LEKR1: variants seen among roughly 807,000 people sequenced by gnomAD.
LEKR1 encodes the protein leucine, glutamate and lysine rich 1.
In LEKR1, 59 loss-of-function variants were observed where a neutral mutation model predicts 72.4. The observed-to-expected ratio is 0.82, with a 90% CI of 0.66 to 1.01. The LOEUF is 1.01. Ranked by LOEUF, LEKR1 falls within the 50% of genes least tolerant of loss-of-function variation. LEKR1 has a pLI of 0.00. For missense variants in LEKR1, 728 were observed against 759.2 expected (o/e 0.96, Z 0.48); for synonymous variants, 257 against 263.2 (o/e 0.98, Z 0.23).
At chr3:157,018,351 C>G (rs925062967) in intron 10 of LEKR1, among the ~76,000 whole-genome samples, 1 of 152,078 alleles carries the variant, frequency 6.6e-6, no homozygotes, top group Non-Finnish European at 1.5e-5. Flanking sequence ...TTATAGAATT[C>G]TCAATTTGAC....
intron 3 of LEKR1, among the ~76,000 whole-genome samples, chr3:156,886,043 T>C (rs1000563496): frequency 3.9e-5 from 6 of 152,314 alleles, no homozygotes; most frequent in Admixed American, 2.0e-4. Flanking sequence ...TGTTTTGTGT[T>C]CAGATACCAG....
At chr3:156,875,299 G>A (rs938493636) in intron 3 of LEKR1, among the ~76,000 whole-genome samples, 1 of 151,956 alleles carries the variant, frequency 6.6e-6, no homozygotes, top group Non-Finnish European at 1.5e-5. Context: ...ATTTTTTTAT[G>A]TTTATTGGCT....
At chr3:156,890,745 G>A (rs1040896191) in intron 3 of LEKR1, among the ~76,000 whole-genome samples, 1 of 152,058 alleles carries the variant, frequency 6.6e-6, no homozygotes, top group Non-Finnish European at 1.5e-5. Context: ...ATTGAGATCA[G>A]TGTGATCAGC....
intron 7 of LEKR1, among the ~76,000 whole-genome samples, chr3:156,981,985 T>A (rs1474027673): frequency 6.6e-6 from 1 of 152,236 alleles, no homozygotes; most frequent in Non-Finnish European, 1.5e-5. Flanking sequence ...ATTCTTTGTG[T>A]TGTTTAAAGA....
intron 2 of LEKR1, among the ~76,000 whole-genome samples, chr3:156,844,421 G>T (rs1197413079): frequency 6.6e-6 from 1 of 152,186 alleles, no homozygotes; most frequent in Non-Finnish European, 1.5e-5. Context: ...TCATAACCAG[G>T]ATATTGACAA....
intron 2 of LEKR1, among the ~76,000 whole-genome samples, chr3:156,832,251 C>T (rs1712516499): frequency 6.6e-6 from 1 of 152,166 alleles, no homozygotes; most frequent in African/African-American, 2.4e-5. Flanking sequence ...CTTCAGGAAT[C>T]CCTGTAGAAC....
intron 3 of LEKR1, among the ~76,000 whole-genome samples, chr3:156,878,695 T>C (rs1255482963): frequency 6.6e-6 from 1 of 152,186 alleles, no homozygotes; most frequent in Non-Finnish European, 1.5e-5. Flanking sequence ...CTTTCTGTCT[T>C]GATGATCTGT....
intron 3 of LEKR1, among the ~76,000 whole-genome samples, chr3:156,907,199 T>G (rs909207930): frequency 2.0e-5 from 3 of 152,114 alleles, no homozygotes; most frequent in African/African-American, 7.2e-5. Flanking sequence ...TCAATCCTGA[T>G]TCTCTCTGTA....
Position 156,852,832 on chromosome 3 carries a change from A to G in LEKR1, c.113A>G (p.Lys38Arg), listed in dbSNP as rs2108538047. The change falls in exon 3 of 13, where the codon AAG becomes AGG. Residue 38 changes from lysine to arginine, a missense_variant. By Grantham distance (26) the Lys-to-Arg change is conservative. Transcript: ENST00000356539. ...AGCTATCTAATTCTTCATGAATTTA[A>G]GGCTATGGAAGAAAAAGTGAAAGCA... ...GVSYLILHEF[K>R]AMEEKVKAME... The G allele has an allele frequency of 6.5e-7, 1 of 1,535,614 alleles. No individual in the cohort carries two copies. Among genetic ancestry groups the G allele is most frequent in the African/African-American group, 1.4e-5 (1 of 73,090 alleles).
intron 7 of LEKR1, among the ~76,000 whole-genome samples, chr3:156,990,721 C>A (rs2108008116): frequency 6.6e-6 from 1 of 152,286 alleles, no homozygotes; most frequent in Non-Finnish European, 1.5e-5. Flanking sequence ...TAAGTAGAAG[C>A]CCCTTCAAAC....
intron 6 of LEKR1, among the ~76,000 whole-genome samples, chr3:156,974,237 CA>C (rs1487453017): frequency 6.6e-6 from 1 of 152,010 alleles, no homozygotes; most frequent in Non-Finnish European, 1.5e-5. Flanking sequence ...GGATAGGTCT[CA>C]AAAAACATAA....
At chr3:156,991,514 A>C (rs971389962) in intron 7 of LEKR1, among the ~76,000 whole-genome samples, 1 of 152,126 alleles carries the variant, frequency 6.6e-6, no homozygotes, top group African/African-American at 2.4e-5. Flanking sequence ...ATTTTGAGAT[A>C]TTTTCAGATT....
chr3:157,000,174 A>G (rs969664671), intron 9 of LEKR1, among the ~76,000 whole-genome samples: 24 of 152,268 alleles, frequency 1.6e-4, no homozygotes, highest in Non-Finnish European at 5.9e-5. Flanking sequence ...CACTCAATAA[A>G]TATGAGATGG....
intron 2 of LEKR1, among the ~76,000 whole-genome samples, chr3:156,831,268 C>T (rs964670872): frequency 5.3e-5 from 8 of 152,040 alleles, no homozygotes; most frequent in Non-Finnish European, 8.8e-5. Context: ...GTAGGTTCTA[C>T]AATAGTGATG....
chr3:156,901,648 G>A (rs1475438411), intron 3 of LEKR1, among the ~76,000 whole-genome samples: 2 of 152,066 alleles, frequency 1.3e-5, no homozygotes, highest in East Asian at 1.9e-4. Flanking sequence ...TCTAAAAATG[G>A]AAGAATGGAA....
chr3:156,979,281 A>T lies in LEKR1; in HGVS notation c.827+6A>T, dbSNP rs1286347589. The T allele has an allele frequency of 8.0e-7, 1 of 1,248,104 alleles. No individual in the cohort carries two copies. Among genetic ancestry groups the T allele is most frequent in the Admixed American group, 2.3e-5 (1 of 43,412 alleles). The allele number at this position is 1,248,104 out of a possible 1,614,324, so 77.3% of individuals were successfully genotyped here. A position where few individuals can be genotyped will look rare whatever the true frequency, so the allele number is the denominator to read the frequency against. On this transcript the variant is annotated splice_donor_region_variant and intron_variant, in intron 7 of 12. Coordinates refer to ENST00000356539, the MANE Select transcript of LEKR1 (RefSeq NM_001004316.3). ...AACTATAAAGAAATGCTTATGTAAG[A>T]TGGAGAATATTAAACAACTTATAAC...
At chr3:156,936,468 C>T (rs906155984) in intron 5 of LEKR1, among the ~76,000 whole-genome samples, 7 of 26,610 alleles carry the variant, frequency 2.6e-4, no homozygotes, top group Admixed American at 6.7e-4. Flanking sequence ...CACACACACC[C>T]CCCGTATGCC....
chr3:156,843,966 G>T (rs1428474021), intron 2 of LEKR1, among the ~76,000 whole-genome samples: 1 of 152,020 alleles, frequency 6.6e-6, no homozygotes, highest in Non-Finnish European at 1.5e-5. Context: ...ACCCAAGGTA[G>T]TTCATTAGAA....
intron 6 of LEKR1, among the ~76,000 whole-genome samples, chr3:156,954,027 G>T (rs1263407005): frequency 1.3e-5 from 2 of 151,870 alleles, no homozygotes; most frequent in Non-Finnish European, 2.9e-5. Context: ...GCCAGCATCT[G>T]TTGTTTCTTG....
Sources: allele counts gnomAD v4.1 joint callset (sites outside exome capture counted in the v4.1 genomes callset), GRCh38; gene constraint gnomAD v4.1.1; transcripts MANE v1.5; gene names NCBI Gene and HGNC (gene_info 2026-07-23, HGNC 2026-07-21).